The following MED25 variants were observed in gnomAD, a reference collection of about 807,000 sequenced individuals.
The protein encoded by MED25 is mediator complex subunit 25, also known as mediator of RNA polymerase II transcription subunit 25.
Under a neutral mutation model 89.4 loss-of-function variants are expected in MED25, and 62 were observed. The ratio of observed to expected loss-of-function variants is 0.69; its 90% CI spans 0.57 to 0.86. The LOEUF is 0.86. Among genes scored for constraint, MED25 ranks in the 40% least tolerant of loss-of-function variants. The pLI is 0.00. For synonymous variants in MED25, 449 were observed against 427.9 expected (o/e 1.05, Z -0.61); for missense variants, 905 against 1,005.2 (o/e 0.90, Z 1.35).
rs1222181145 is a variant in MED25, at chr19:49,829,000, C to A, written c.435C>A (p.Ile145=). 1.9e-6 allele frequency: 3 copies of A among 1,614,032 alleles called. No individual in the cohort carries two copies. The highest frequency in any genetic ancestry group is 2.5e-6 in the Non-Finnish European group (3 of 1,180,032). ...AGACGCACCGGGTCTGCCTCCTCAT[C>A]TGCAACTCACCCCCATACTTGTTGC... ...IGQTHRVCLL[I]CNSPPYLLPA... The change falls in exon 5 of 18, where the codon ATC becomes ATA. Residue 145 remains isoleucine, a synonymous_variant. Transcript: ENST00000312865.
Position 49,818,478 on chromosome 19 carries a change from G to T in MED25, c.134+3G>T, listed in dbSNP as rs368860550. The stretch of plus-strand genomic sequence containing the variant: ...CACTACCTGCTCCCGGCCATCGAGT[G>T]AGTGCTGTTTCCGCGACTCTAACCC... On this transcript the variant is annotated splice_donor_region_variant and intron_variant, in intron 1 of 17. Transcript: ENST00000312865. The T allele has an allele frequency of 1.4e-5, 23 of 1,614,194 alleles. No individual in the cohort carries two copies. The highest frequency in any genetic ancestry group is 1.9e-5 in the Non-Finnish European group (23 of 1,180,040).
chr19:49,836,446 G>A lies in MED25; in HGVS notation c.2146+40G>A. The A allele has an allele frequency of 6.4e-7, 1 of 1,555,724 alleles. No individual in the cohort carries two copies. On this transcript the variant is annotated intron_variant, in intron 17 of 17. Transcript: ENST00000312865. The surrounding 1 kb of genome is among the most constrained non-coding windows in gnomAD (Gnocchi z 5.1). ...GGGAGGGCAGAGGTCTGGACTGAGTGTCCCAGCAGCTCCTGGGCTAGAGCA... is the reference window on the plus strand; with the variant it reads ...GGGAGGGCAGAGGTCTGGACTGAGTATCCCAGCAGCTCCTGGGCTAGAGCA...
chr19:49,834,360 T>G lies in MED25; in HGVS notation c.1483-626T>G, dbSNP rs2074080297. ...GAGAAGTCAATTCACTTGGCCAAGG[T>G]CAGCCTCGCCTCCCTCAGGAGCCCC... On this transcript the variant is annotated intron_variant, in intron 13 of 17. Transcript: ENST00000312865. This position sits in a 1 kb window ranked among gnomAD's most constrained non-coding sequence, Gnocchi z 4.1. 6.3e-6 allele frequency: 1 copy of G among 158,628 alleles called. No individual in the cohort carries two copies. The highest frequency in any genetic ancestry group is 1.8e-4 in the South Asian group (1 of 5,646). 9.8% of individuals were successfully genotyped at this position (158,628 alleles called of 1,614,324 possible).
Position 49,835,345 on chromosome 19 carries a change from C to T in MED25, c.1674+168C>T, listed in dbSNP as rs1361291101. 1.3e-5 allele frequency among the ~76,000 whole-genome samples: 2 copies of T among 152,194 alleles called. No homozygotes were observed. The highest frequency in any genetic ancestry group is 2.9e-5 in the Non-Finnish European group (2 of 68,032). Reference sequence around the variant, plus strand: ...TGCAGTCTCTCTCCTTTTTCAGCATCCACATCAAAGCCCTGACACAGCTTC... The same window carrying T: ...TGCAGTCTCTCTCCTTTTTCAGCATTCACATCAAAGCCCTGACACAGCTTC... On this transcript the variant is annotated intron_variant, in intron 14 of 17. Coordinates refer to ENST00000312865, the MANE Select transcript of MED25 (RefSeq NM_030973.4). This position sits in a 1 kb window ranked among gnomAD's most constrained non-coding sequence, Gnocchi z 6.2.
At chr19:49,821,861 G>T (rs2073984760) in intron 3 of MED25, among the ~76,000 whole-genome samples, 1 of 150,562 alleles carries the variant, frequency 6.6e-6, no homozygotes, top group Admixed American at 6.6e-5. Context: ...GGGCACGGTG[G>T]CTCATCCCTG....
In MED25 at chr19:49,835,036, C is replaced by T. The variant is rs376038328; in HGVS notation, c.1533C>T (p.Leu511=). The part of the protein sequence containing the change: ...PHTAPCEVRV[L]MLLYSSKKKI... The stretch of plus-strand genomic sequence containing the variant: ...CGGCGCCCTGTGAGGTGCGCGTGCT[C>T]ATGCTCCTGTACTCGTCCAAGAAGA... Residue 511 remains leucine (L), a synonymous_variant, in exon 14 of 18, where the codon CTC becomes CTT. Transcript: ENST00000312865. This position sits in a 1 kb window ranked among gnomAD's most constrained non-coding sequence, Gnocchi z 6.2. The T allele has an allele frequency of 2.3e-5, 37 of 1,614,122 alleles. No individual in the cohort carries two copies. In the African/African-American group the frequency reaches 3.6e-4, roughly 16 times the overall value.
At position 49,836,212 on chromosome 19, in the gene MED25, C is replaced by G; in HGVS notation, c.1966-14C>G. On this transcript the variant is annotated splice_polypyrimidine_tract_variant and intron_variant, in intron 16 of 17. Coordinates refer to ENST00000312865, the MANE Select transcript of MED25 (RefSeq NM_030973.4). This position sits in a 1 kb window ranked among gnomAD's most constrained non-coding sequence, Gnocchi z 5.1. ...CTACCAGGAGCCTCTGAGCCACTCT[C>G]TGTGTTCTCCCAGCCGCAGACTGGG... is the stretch of plus-strand genomic sequence containing the variant. 3 of 1,611,416 alleles carry G rather than the reference C, an allele frequency of 1.9e-6. No homozygotes were observed. The highest frequency in any genetic ancestry group is 1.3e-5 in the African/African-American group (1 of 75,008).
rs207477240 is a variant in MED25 at position 49,818,334 on chromosome 19, C to T, written c.-8C>T. On this transcript the variant is annotated 5_prime_UTR_variant, in exon 1 of 18. Transcript: ENST00000312865. ...GCTGCAGTGGTGGTGGCGGGTACCG[C>T]ACGGGGTATGGTCCCCGGGTCCGAG... is the stretch of plus-strand genomic sequence containing the variant. 5 of 1,575,294 alleles carry T rather than the reference C, an allele frequency of 3.2e-6. No homozygotes were observed. The highest frequency in any genetic ancestry group is 4.7e-5 in the East Asian group (2 of 42,554).
rs1323743298 is a variant in MED25 at position 49,830,942 on chromosome 19, G to A, written c.1101+55G>A. On this transcript the variant is annotated intron_variant, in intron 9 of 17. Transcript: ENST00000312865. The surrounding 1 kb of genome is among the most constrained non-coding windows in gnomAD (Gnocchi z 4.6). ...TCCTTCCTCCTGCTGTCCACAGCTAGGACAGTTAGAGGATGAGTCATTTGC... is the reference window on the plus strand; with the variant it reads ...TCCTTCCTCCTGCTGTCCACAGCTAAGACAGTTAGAGGATGAGTCATTTGC... 9 of 1,538,806 alleles carry A rather than the reference G, an allele frequency of 5.8e-6. No homozygotes were observed. Among genetic ancestry groups the A allele is most frequent in the Non-Finnish European group, 8.0e-6 (9 of 1,126,894 alleles).
Position 49,836,014 on chromosome 19 carries a change from G to T in MED25, c.1965+69G>T. 2 of 1,578,492 alleles carry T rather than the reference G, an allele frequency of 1.3e-6. No homozygotes were observed. Among genetic ancestry groups the T allele is most frequent in the Non-Finnish European group, 8.6e-7 (1 of 1,163,776 alleles). On this transcript the variant is annotated intron_variant, in intron 16 of 17. Coordinates refer to ENST00000312865, the MANE Select transcript of MED25 (RefSeq NM_030973.4). This position sits in a 1 kb window ranked among gnomAD's most constrained non-coding sequence, Gnocchi z 5.1. ...CTGGTGGTTCTGGTCCTGTTGTCTG[G>T]GAGGAGGGAGGTTGACTGTGGTCAG... is the stretch of plus-strand genomic sequence containing the variant.
In MED25 at chr19:49,835,181, AGT is replaced by A. The variant is rs759672167; in HGVS notation, c.1674+7_1674+8del. On this transcript the variant is annotated splice_donor_5th_base_variant and intron_variant, in intron 14 of 17. Transcript: ENST00000312865. The surrounding 1 kb of genome is among the most constrained non-coding windows in gnomAD (Gnocchi z 6.2). ...GCTGGAGCAGCAGCAGCGAGGAGTG[AGT>A]GTTGACAGTCCCCAAACCAGCACTC... The A allele has an allele frequency of 6.2e-7, 1 of 1,613,838 alleles. No homozygotes were observed. Among genetic ancestry groups the A allele is most frequent in the South Asian group, 1.1e-5 (1 of 91,086 alleles).
chr19:49,828,309 G>A (rs530968900), intron 3 of MED25, 140 bp from the exon 4 acceptor site: 2 of 704,016 alleles, frequency 2.8e-6, no homozygotes, highest in African/African-American at 1.7e-5. Context: ...GGATTGGGTA[G>A]GGAACTCAGC....
rs528580623 is a variant in MED25, at chr19:49,822,435, C to A, written c.305+3139C>A. 1.1e-4 allele frequency among the ~76,000 whole-genome samples: 17 copies of A among 150,498 alleles called. No individual in the cohort carries two copies. The South Asian group carries it at 3.6e-3, about 32-fold the overall frequency. On this transcript the variant is annotated intron_variant, in intron 3 of 17. Transcript: ENST00000312865. ...TGACTGACTGACTGAGACCCTGTCT[C>A]AAAAAAAAATTGTTTTTTTTGTGGA...
chr19:49,828,614 C>A, intron 4 of MED25, 67 bp downstream of exon 4: 3 of 1,301,692 alleles, frequency 2.3e-6, no homozygotes, highest in South Asian at 2.4e-5. Flanking sequence ...CTTTGCCTGT[C>A]GAGTGGTTCT....
chr19:49,832,238 A>G, intron 12 of MED25, 70 bp from the exon 13 acceptor site: 1 of 1,493,192 alleles, frequency 6.7e-7, no homozygotes. Context: ...CCCCACCCCC[A>G]CTCCCTGCCT....
Position 49,830,269 on chromosome 19 carries a change from TG to T in MED25, c.819+53del. ...TGCTTCTGGGGACTTGCTGGAGCCCTGGCCCCTGGGGAGAAATCTAGTTGCA... is the reference window on the plus strand; with the variant it reads ...TGCTTCTGGGGACTTGCTGGAGCCCTGCCCCTGGGGAGAAATCTAGTTGCA... On this transcript the variant is annotated intron_variant, in intron 7 of 17. Transcript: ENST00000312865. This position sits in a 1 kb window ranked among gnomAD's most constrained non-coding sequence, Gnocchi z 4.6. 2 of 1,582,672 alleles carry T rather than the reference TG, an allele frequency of 1.3e-6. No homozygotes were observed. Among genetic ancestry groups the T allele is most frequent in the Non-Finnish European group, 1.7e-6 (2 of 1,159,616 alleles).
In MED25 at chr19:49,830,332, C is replaced by T. The variant is rs2074046034; in HGVS notation, c.819+114C>T. On this transcript the variant is annotated intron_variant, in intron 7 of 17. Coordinates refer to ENST00000312865, the MANE Select transcript of MED25 (RefSeq NM_030973.4). This position sits in a 1 kb window ranked among gnomAD's most constrained non-coding sequence, Gnocchi z 4.6. ...GTGGGATGATGGGAGTCCCATGGGA[C>T]ATTGGGAAGGTGGGACTCTTGGGGC... 9.6e-6 allele frequency: 12 copies of T among 1,243,830 alleles called. No individual in the cohort carries two copies. The highest frequency in any genetic ancestry group is 1.4e-5 in the Non-Finnish European group (12 of 873,460). 77.0% of individuals were successfully genotyped at this position (1,243,830 alleles called of 1,614,324 possible). A position where few individuals can be genotyped will look rare whatever the true frequency, so the allele number is the denominator to read the frequency against.
rs2074104039 is a variant in MED25, at chr19:49,836,973, T to A, written c.*29T>A. On this transcript the variant is annotated 3_prime_UTR_variant, in exon 18 of 18. Coordinates refer to ENST00000312865, the MANE Select transcript of MED25 (RefSeq NM_030973.4). The surrounding 1 kb of genome is among the most constrained non-coding windows in gnomAD (Gnocchi z 5.1). ...CCCAACACCCAATAAAGTTCCTTTT[T>A]AACACACGCCCCGGCTCCCGTCACT... 1 of 1,560,154 alleles carries A rather than the reference T, an allele frequency of 6.4e-7. No homozygotes were observed. Among genetic ancestry groups the A allele is most frequent in the East Asian group, 2.3e-5 (1 of 44,172 alleles).
chr19:49,835,060 G>A lies in MED25; in HGVS notation c.1557G>A (p.Lys519=). 6.2e-7 allele frequency: 1 copy of A among 1,614,116 alleles called. No individual in the cohort carries two copies. The highest frequency in any genetic ancestry group is 8.5e-7 in the Non-Finnish European group (1 of 1,180,014). The part of the protein sequence containing the change: ...RVLMLLYSSK[K]KIFMGLIPYD... ...TCATGCTCCTGTACTCGTCCAAGAA[G>A]AAGATCTTCATGGGCCTCATCCCCT... Residue 519 remains lysine, a synonymous_variant, in exon 14 of 18, where the codon AAG becomes AAA. Coordinates refer to ENST00000312865, the MANE Select transcript of MED25 (RefSeq NM_030973.4). The surrounding 1 kb of genome is among the most constrained non-coding windows in gnomAD (Gnocchi z 6.2).
Sources: allele counts gnomAD v4.1 joint callset (sites outside exome capture counted in the v4.1 genomes callset), GRCh38; gene constraint gnomAD v4.1.1; non-coding constraint Gnocchi (gnomAD v3.1); transcripts MANE v1.5; gene names NCBI Gene and HGNC (gene_info 2026-07-23, HGNC 2026-07-21).